The following ROS1 variants were observed in gnomAD, a reference collection of about 807,000 sequenced individuals.
The protein encoded by ROS1 is ROS proto-oncogene 1, receptor tyrosine kinase.
Under a neutral mutation model 273.5 loss-of-function variants are expected in ROS1, and 263 were observed. The ratio of observed to expected loss-of-function variants is 0.96; its 90% CI spans 0.87 to 1.06. The LOEUF is 1.06. Ranked by LOEUF, ROS1 falls within the 50% of genes least tolerant of loss-of-function variation. ROS1 has a pLI of 0.00. For synonymous variants in ROS1, 1,008 were observed against 954.1 expected (o/e 1.06, Z -1.04); for missense variants, 2,833 against 2,751.1 (o/e 1.03, Z -0.67).
intron 4 of ROS1, among the ~76,000 whole-genome samples, chr6:117,413,157 T>G (rs1282695942): frequency 6.6e-6 from 1 of 152,186 alleles, no homozygotes; most frequent in Non-Finnish European, 1.5e-5. Flanking sequence ...TGCTCTCTAT[T>G]AAGAGGGAAT....
intron 35 of ROS1, among the ~76,000 whole-genome samples, chr6:117,322,890 G>A (rs961147265): frequency 1.3e-5 from 2 of 152,150 alleles, no homozygotes; most frequent in African/African-American, 4.8e-5. Flanking sequence ...TCCATAGGAT[G>A]TCTTGGAAGC....
At chr6:117,360,298 A>ACACG (rs1457131040) in intron 23 of ROS1, 44 bp downstream of exon 23, 3 of 1,465,592 alleles carry the variant, frequency 2.0e-6, no homozygotes, top group Non-Finnish European at 2.9e-6. Context: ...ACACACACAC[A>ACACG]CGCCTCTAAA....
chr6:117,321,509 A>G, intron 35 of ROS1, 115 bp from the exon 36 acceptor site: 1 of 808,672 alleles, frequency 1.2e-6, no homozygotes, highest in South Asian at 2.2e-5. Context: ...TCAGTAGAAT[A>G]GTTATAGAAG....
chr6:117,412,515 G>C (rs139818090), intron 4 of ROS1, among the ~76,000 whole-genome samples: 52 of 152,050 alleles, frequency 3.4e-4, no homozygotes, highest in Non-Finnish European at 5.6e-4. Context: ...AGCTTCCTAC[G>C]TTCAAACATC....
intron 39 of ROS1, among the ~76,000 whole-genome samples, chr6:117,316,904 AG>A (rs1467452181): frequency 6.6e-6 from 1 of 152,064 alleles, no homozygotes; most frequent in Non-Finnish European, 1.5e-5. Context: ...TCTGGCAATG[AG>A]GGTCATGTTC....
At chr6:117,375,946 G>C (rs1247754587) in intron 18 of ROS1, among the ~76,000 whole-genome samples, 1 of 151,972 alleles carries the variant, frequency 6.6e-6, no homozygotes, top group African/African-American at 2.4e-5. Flanking sequence ...ATGCCAGTGA[G>C]TGGAATGATA....
intron 18 of ROS1, among the ~76,000 whole-genome samples, chr6:117,375,820 C>T (rs902111676): frequency 1.3e-5 from 2 of 151,682 alleles, no homozygotes; most frequent in Admixed American, 1.3e-4. Context: ...AAATATAAAG[C>T]ACCCAAATAC....
intron 14 of ROS1, among the ~76,000 whole-genome samples, chr6:117,387,372 T>G (rs546510273): frequency 6.6e-6 from 1 of 152,206 alleles, no homozygotes; most frequent in Non-Finnish European, 1.5e-5. Flanking sequence ...ATGAATGGTA[T>G]AGTCATCCTT....
intron 24 of ROS1, 75 bp from the exon 25 acceptor site, chr6:117,358,084 C>T: frequency 1.0e-6 from 1 of 987,300 alleles, no homozygotes; most frequent in South Asian, 1.5e-5. Context: ...TATATTCACC[C>T]ATATCATTTG....
Position 117,366,134 on chromosome 6 carries a change from C to T in ROS1, c.2739G>A (p.Leu913=). The T allele has an allele frequency of 6.2e-7, 1 of 1,614,082 alleles. No individual in the cohort carries two copies. The highest frequency in any genetic ancestry group is 8.5e-7 in the Non-Finnish European group (1 of 1,179,996). The change falls in exon 19 of 44, where the codon TTG becomes TTA. Residue 913 remains leucine (L), a synonymous_variant. Coordinates refer to ENST00000368507, the MANE Select transcript of ROS1 (RefSeq NM_001378902.1). ...EIGQKTSVSV[L]EPARFNQFTI... is the part of the protein sequence containing the mutation. ...TGAACTGATTAAATCTGGCTGGTTCCAAAACAGAGACACTGGTTTTCTGAC... is the reference window on the plus strand; with the variant it reads ...TGAACTGATTAAATCTGGCTGGTTCTAAAACAGAGACACTGGTTTTCTGAC...
chr6:117,326,123 A>ATT (rs1181789473), intron 34 of ROS1, 101 bp downstream of exon 34: 1 of 317,308 alleles, frequency 3.2e-6, no homozygotes, highest in Non-Finnish European at 5.4e-6. Context: ...ATATATATAT[A>ATT]TATAGTCACC....
chr6:117,344,300 C>CTA, intron 27 of ROS1, 38 bp from the exon 28 acceptor site: 1 of 1,453,014 alleles, frequency 6.9e-7, no homozygotes, highest in Admixed American at 1.8e-5. Context: ...AATATCTATA[C>CTA]TATATATATG....
intron 41 of ROS1, 127 bp from the exon 42 acceptor site, chr6:117,309,055 A>G: frequency 1.2e-6 from 1 of 801,298 alleles, no homozygotes; most frequent in East Asian, 2.7e-5. Context: ...TGGCCTCATA[A>G]AAGGCAAACG....
chr6:117,345,110 C>T (rs1237073639), intron 27 of ROS1, among the ~76,000 whole-genome samples: 3 of 152,226 alleles, frequency 2.0e-5, no homozygotes, highest in African/African-American at 4.8e-5. Flanking sequence ...ACTCATTGTG[C>T]GTGGCACTGT....
At chr6:117,348,482 T>A (rs1778551598) in intron 27 of ROS1, among the ~76,000 whole-genome samples, 1 of 151,978 alleles carries the variant, frequency 6.6e-6, no homozygotes, top group African/African-American at 2.4e-5. Flanking sequence ...CTTTTTTTCT[T>A]AGCCTGGCTA....
chr6:117,395,426 G>C (rs1034771114), intron 9 of ROS1, among the ~76,000 whole-genome samples: 3 of 152,118 alleles, frequency 2.0e-5, no homozygotes, highest in African/African-American at 7.2e-5. Flanking sequence ...GCTGATGATG[G>C]ATGACACTCA....
Position 117,337,193 on chromosome 6 carries a change from G to T in ROS1, c.5209C>A (p.Pro1737Thr), listed in dbSNP as rs771301135. ...YKTGENSTSLPESFKTKAGVP... is the reference protein window; with the variant it reads ...YKTGENSTSLTESFKTKAGVP... ...TCACCTTTTGTCTTAAAGCTTTCTG[G>T]AAGTGAGGTGCTATTTTCTCCCGTC... The change falls in exon 32 of 44, where the codon CCA becomes ACA. Residue 1737 changes from proline to threonine, a missense_variant. By Grantham distance (38) the Pro-to-Thr change is conservative. Transcript: ENST00000368507. 6.2e-7 allele frequency: 1 copy of T among 1,612,182 alleles called. No individual in the cohort carries two copies. Among genetic ancestry groups the T allele is most frequent in the South Asian group, 1.1e-5 (1 of 90,872 alleles).
rs770967640 is a variant in ROS1 at position 117,292,581 on chromosome 6, CTACTT to C, written c.6716-3784_6716-3780del. On this transcript the variant is annotated intron_variant, in intron 43 of 43. Transcript: ENST00000368507. ...TCACTCTCTTCTTATTTCATACACT[CTACTT>C]TAATGACCTAGTCTGCACCCTGGAC... Among the ~76,000 whole-genome samples the C allele has an allele frequency of 2.6e-5, 4 of 152,100 alleles. No individual in the cohort carries two copies. In the South Asian group the frequency reaches 6.2e-4, roughly 24 times the overall value.
At chr6:117,330,897 A>T (rs992560406) in intron 32 of ROS1, among the ~76,000 whole-genome samples, 2 of 152,202 alleles carry the variant, frequency 1.3e-5, no homozygotes, top group African/African-American at 4.8e-5. Flanking sequence ...AACCAATGAA[A>T]AAAATGCTGA....
Sources: allele counts gnomAD v4.1 joint callset (sites outside exome capture counted in the v4.1 genomes callset), GRCh38; gene constraint gnomAD v4.1.1; transcripts MANE v1.5; gene names NCBI Gene and HGNC (gene_info 2026-07-23, HGNC 2026-07-21).